HTT: variants seen among roughly 807,000 people sequenced by gnomAD.
HTT encodes the protein huntington disease protein.
HTT carries 104 observed loss-of-function variants against 362.3 expected under a neutral mutation model. The ratio of observed to expected loss-of-function variants is 0.29; its 90% CI spans 0.24 to 0.34. The LOEUF (loss-of-function observed/expected upper bound fraction) is 0.34, where lower values mean the gene tolerates loss of function less well. Among genes scored for constraint, HTT ranks in the 10% least tolerant of loss-of-function variants. The pLI is 1.00. For missense variants in HTT, 3,301 were observed against 3,928.6 expected (o/e 0.84, Z 4.27); for synonymous variants, 1,577 against 1,548.7 (o/e 1.02, Z -0.43).
chr4:3,213,900 GGCT>G, intron 49 of HTT, 55 bp from the exon 50 acceptor site: 1 of 1,418,066 alleles, frequency 7.1e-7, no homozygotes, highest in South Asian at 1.5e-5. Flanking sequence ...TGATTCACAC[GGCT>G]TCCCCAAACG....
At chr4:3,121,176 A>T in intron 8 of HTT, 52 bp from the exon 9 acceptor site, 1 of 1,356,752 alleles carries the variant, frequency 7.4e-7, no homozygotes, top group Non-Finnish European at 1.1e-6. Context: ...AGTGAAGCTT[A>T]GGATGCATTT....
chr4:3,167,191 C>T (rs897323312), intron 29 of HTT, among the ~76,000 whole-genome samples: 14 of 152,204 alleles, frequency 9.2e-5, no homozygotes, highest in Admixed American at 4.6e-4. Context: ...CCTACCTCAG[C>T]CTCCGGAGTA....
At chr4:3,175,976 C>T (rs1718218202) in intron 33 of HTT, among the ~76,000 whole-genome samples, 1 of 151,812 alleles carries the variant, frequency 6.6e-6, no homozygotes, top group Non-Finnish European at 1.5e-5. Context: ...TGATTTTCCA[C>T]AGTGGGTATT....
intron 40 of HTT, among the ~76,000 whole-genome samples, chr4:3,190,234 C>G (rs1157423493): frequency 1.3e-5 from 2 of 151,522 alleles, no homozygotes; most frequent in Non-Finnish European, 2.9e-5. Flanking sequence ...GTAGTCCCAG[C>G]TACTTGGGAG....
At chr4:3,176,824 C>T (rs1280897557) in intron 33 of HTT, among the ~76,000 whole-genome samples, 2 of 152,210 alleles carry the variant, frequency 1.3e-5, no homozygotes, top group Non-Finnish European at 2.9e-5. Flanking sequence ...TCTGAGAAAA[C>T]CAGGCCATAT....
At chr4:3,101,542 A>C (rs1018000039) in intron 3 of HTT, among the ~76,000 whole-genome samples, 1 of 152,238 alleles carries the variant, frequency 6.6e-6, no homozygotes, top group Non-Finnish European at 1.5e-5. Context: ...GGCCAGCTGT[A>C]GGGAGCATAG....
intron 6 of HTT, among the ~76,000 whole-genome samples, chr4:3,111,035 C>T (rs1714718569): frequency 6.6e-6 from 1 of 152,042 alleles, no homozygotes. Context: ...TTCTTTGTCT[C>T]TTGATGGGGT....
At position 3,125,537 on chromosome 4, in the gene HTT, A is replaced by T; in HGVS notation, c.1322-12A>T. On this transcript the variant is annotated splice_polypyrimidine_tract_variant and intron_variant, in intron 10 of 66. Coordinates refer to ENST00000355072, the MANE Select transcript of HTT (RefSeq NM_001388492.1). ...AGCAAACTAAAAGGAATGTTGGTAC[A>T]TTATTTACTAGGCAAAGTGCTCTTA... 6.3e-7 allele frequency: 1 copy of T among 1,599,490 alleles called. No homozygotes were observed. Among genetic ancestry groups the T allele is most frequent in the Non-Finnish European group, 8.6e-7 (1 of 1,166,918 alleles).
At chr4:3,239,075 AC>A in intron 66 of HTT, 97 bp downstream of exon 66, 1 of 1,280,614 alleles carries the variant, frequency 7.8e-7, no homozygotes, top group Non-Finnish European at 1.1e-6. Context: ...CTTTGCAAAA[AC>A]CCCACAGATG....
At chr4:3,125,200 G>T (rs1715466255) in intron 10 of HTT, among the ~76,000 whole-genome samples, 1 of 152,114 alleles carries the variant, frequency 6.6e-6, no homozygotes, top group Non-Finnish European at 1.5e-5. Context: ...AATAGCATTG[G>T]ATCTTTACAG....
intron 61 of HTT, among the ~76,000 whole-genome samples, chr4:3,234,733 G>T (rs1257009750): frequency 6.6e-6 from 1 of 152,226 alleles, no homozygotes; most frequent in East Asian, 1.9e-4. Flanking sequence ...GGACCACGTG[G>T]TGACAGATAT....
At chr4:3,157,330 G>A (rs1008559224) in intron 28 of HTT, 131 bp downstream of exon 28, 1 of 839,670 alleles carries the variant, frequency 1.2e-6, no homozygotes, top group Non-Finnish European at 1.9e-6. Context: ...GTTTTTTCAA[G>A]TTTGTTTGTC....
At chr4:3,185,883 TAGAA>T (rs1718735933) in intron 37 of HTT, among the ~76,000 whole-genome samples, 1 of 151,080 alleles carries the variant, frequency 6.6e-6, no homozygotes, top group Admixed American at 6.6e-5. Flanking sequence ...GAGACTCTGT[TAGAA>T]AGAGAGAGAG....
intron 6 of HTT, among the ~76,000 whole-genome samples, chr4:3,114,070 A>G (rs1384401161): frequency 1.3e-5 from 2 of 152,184 alleles, no homozygotes; most frequent in African/African-American, 4.8e-5. Flanking sequence ...AGTCATTAGC[A>G]TTGTTTCTAT....
At position 3,074,945 on chromosome 4, in the gene HTT, A is replaced by ACCACCG. The variant is rs1553909059; in HGVS notation, c.122_123insACCGCC (p.Pro48_Pro49dup). ...AGCAGCAGCAGCAGCAACAGCCGCC[A>ACCACCG]CCGCCGCCGCCGCCGCCGCCGCCTC... On this transcript the variant is annotated inframe_insertion, in exon 1 of 67. Transcript: ENST00000355072. 3 of 1,209,096 alleles carry ACCACCG rather than the reference A, an allele frequency of 2.5e-6. No individual in the cohort carries two copies. Among genetic ancestry groups the ACCACCG allele is most frequent in the Non-Finnish European group, 3.3e-6 (3 of 898,614 alleles). The allele number at this position is 1,209,096 out of a possible 1,614,324, so 74.9% of individuals were successfully genotyped here.
intron 29 of HTT, among the ~76,000 whole-genome samples, chr4:3,171,093 A>G (rs907700347): frequency 1.3e-5 from 2 of 152,232 alleles, no homozygotes; most frequent in African/African-American, 4.8e-5. Context: ...TTCTATTTGT[A>G]ATTTTTTCAG....
chr4:3,090,723 C>T (rs1284108493), intron 2 of HTT, among the ~76,000 whole-genome samples: 1 of 152,174 alleles, frequency 6.6e-6, no homozygotes, highest in Non-Finnish European at 1.5e-5. Context: ...TAAATTAACA[C>T]AGAAATTTAA....
intron 2 of HTT, among the ~76,000 whole-genome samples, chr4:3,095,982 A>G (rs1713838315): frequency 2.0e-5 from 3 of 152,250 alleles, no homozygotes; most frequent in African/African-American, 7.2e-5. Flanking sequence ...TGCCTGCAAG[A>G]AACACATTCT....
rs1553909060 is a variant in HTT at position 3,074,945 on chromosome 4, A to ACGGCCGCCG, written c.121_122insGGCCGCCGC (p.Pro40_Pro41insArgProPro). ...AGCAGCAGCAGCAGCAACAGCCGCC[A>ACGGCCGCCG]CCGCCGCCGCCGCCGCCGCCGCCTC... On this transcript the variant is annotated inframe_insertion, in exon 1 of 67. Transcript: ENST00000355072. The ACGGCCGCCG allele has an allele frequency of 4.9e-6, 6 of 1,214,984 alleles. No homozygotes were observed. In the African/African-American group the frequency reaches 7.5e-5, roughly 15 times the overall value. The allele number at this position is 1,214,984 out of a possible 1,614,324, so 75.3% of individuals were successfully genotyped here.
Sources: allele counts gnomAD v4.1 joint callset (sites outside exome capture counted in the v4.1 genomes callset), GRCh38; gene constraint gnomAD v4.1.1; transcripts MANE v1.5; gene names NCBI Gene and HGNC (gene_info 2026-07-23, HGNC 2026-07-21).